KCNMA1: variants seen among roughly 807,000 people sequenced by gnomAD.
KCNMA1 encodes Calcium-activated potassium channel subunit alpha-1.
In KCNMA1, 29 loss-of-function variants were observed where a neutral mutation model predicts 140.0. The observed-to-expected ratio is 0.21, with a 90% confidence interval of 0.15 to 0.28. KCNMA1 has a LOEUF of 0.28. Ranked by LOEUF, KCNMA1 falls within the 10% of genes least tolerant of loss-of-function variation. The pLI is 1.00. For missense variants in KCNMA1, 880 were observed against 1,602.2 expected (o/e 0.55, Z 7.70); for synonymous variants, 612 against 611.9 (o/e 1.00, Z 0.00).
At chr10:76,922,964 T>C (rs544059690) in intron 23 of KCNMA1, among the ~76,000 whole-genome samples, 1 of 152,208 alleles carries the variant, frequency 6.6e-6, no homozygotes, top group South Asian at 2.1e-4. Context: ...GGACAAGACC[T>C]GGCTTAATAC....
chr10:76,892,857 G>T (rs999635088), intron 25 of KCNMA1, among the ~76,000 whole-genome samples: 3 of 152,186 alleles, frequency 2.0e-5, no homozygotes, highest in African/African-American at 7.2e-5. Context: ...GAATTAAGAT[G>T]ATAGTTACTA....
intron 1 of KCNMA1, among the ~76,000 whole-genome samples, chr10:77,473,204 A>G (rs1342328098): frequency 6.6e-6 from 1 of 152,226 alleles, no homozygotes; most frequent in Admixed American, 6.5e-5. Context: ...GCCCTCAACC[A>G]AAGGCCAGTT....
chr10:76,907,074 G>A lies in KCNMA1; in HGVS notation c.3147+2892C>T, dbSNP rs773410158. ...TTCGATAGTGTAGCTAAAGTGCCTC[G>A]CACAGTTCTGGGCCCTTAGTAAATG... On this transcript the variant is annotated intron_variant, in intron 25 of 27. Coordinates refer to ENST00000286628, the MANE Select transcript of KCNMA1 (RefSeq NM_001161352.2). Among the ~76,000 whole-genome samples, 9 of 152,210 alleles carry A rather than the reference G, an allele frequency of 5.9e-5. No homozygotes were observed. In the East Asian group the frequency reaches 7.7e-4, roughly 13 times the overall value.
intron 2 of KCNMA1, among the ~76,000 whole-genome samples, chr10:77,394,865 T>G (rs180714683): frequency 3.4e-4 from 52 of 152,262 alleles, no homozygotes; most frequent in Non-Finnish European, 7.2e-4. Context: ...TATTTTAGGC[T>G]GGTGGGTGTT....
At chr10:77,177,797 G>A (rs1240384693) in intron 5 of KCNMA1, among the ~76,000 whole-genome samples, 2 of 152,130 alleles carry the variant, frequency 1.3e-5, no homozygotes, top group African/African-American at 2.4e-5. Context: ...GGCCTTTACA[G>A]CCTGTACCTT....
chr10:77,457,459 G>A (rs999760679), intron 1 of KCNMA1, among the ~76,000 whole-genome samples: 2 of 152,056 alleles, frequency 1.3e-5, no homozygotes, highest in Non-Finnish European at 2.9e-5. Context: ...AGCCCAGCAG[G>A]CCTTCTGTAG....
At chr10:77,506,840 AGTGT>A (rs67309788) in intron 1 of KCNMA1, among the ~76,000 whole-genome samples, 29,203 of 119,924 alleles carry the variant, frequency 0.24, 3,686 homozygotes, top group East Asian at 0.42. Flanking sequence ...AGAGAGAGAG[AGTGT>A]GTGTGTGTGT....
At chr10:76,888,437 TTAGAG>T (rs1243135017) in intron 27 of KCNMA1, among the ~76,000 whole-genome samples, 3 of 152,156 alleles carry the variant, frequency 2.0e-5, no homozygotes, top group African/African-American at 7.2e-5. Flanking sequence ...ACCAGTTAAG[TTAGAG>T]TAATCAGAAT....
At chr10:76,900,923 G>A (rs1365460552) in intron 25 of KCNMA1, among the ~76,000 whole-genome samples, 1 of 148,318 alleles carries the variant, frequency 6.7e-6, no homozygotes, top group African/African-American at 2.5e-5. Context: ...CAGTACATTT[G>A]CCTCAATATA....
chr10:77,248,238 G>T (rs1279024220), intron 3 of KCNMA1, among the ~76,000 whole-genome samples: 4 of 152,174 alleles, frequency 2.6e-5, no homozygotes, highest in Non-Finnish European at 5.9e-5. Flanking sequence ...AGACATAGCT[G>T]GTCCAGCAGA....
At chr10:77,559,652 A>G (rs1167033837) in intron 1 of KCNMA1, among the ~76,000 whole-genome samples, 2 of 152,192 alleles carry the variant, frequency 1.3e-5, no homozygotes, top group East Asian at 1.9e-4. Flanking sequence ...ATAGCCCTTC[A>G]GGTATTGTAT....
intron 1 of KCNMA1, among the ~76,000 whole-genome samples, chr10:77,447,688 G>A (rs2097554202): frequency 6.6e-6 from 1 of 152,166 alleles, no homozygotes; most frequent in Non-Finnish European, 1.5e-5. Context: ...TCACCTGAGA[G>A]GTTTTGGATC....
intron 1 of KCNMA1, among the ~76,000 whole-genome samples, chr10:77,549,081 A>G (rs529086707): frequency 6.6e-6 from 1 of 152,346 alleles, no homozygotes; most frequent in Admixed American, 6.5e-5. Context: ...CATCACTGAT[A>G]AAAGTCATTC....
At chr10:76,989,397 T>C (rs1180096913) in intron 19 of KCNMA1, among the ~76,000 whole-genome samples, 1 of 152,160 alleles carries the variant, frequency 6.6e-6, no homozygotes, top group Non-Finnish European at 1.5e-5. Flanking sequence ...CGATGTTGGG[T>C]AATAGACATC....
chr10:77,412,597 G>A (rs1471719321), intron 1 of KCNMA1, among the ~76,000 whole-genome samples: 1 of 152,188 alleles, frequency 6.6e-6, no homozygotes, highest in Non-Finnish European at 1.5e-5. Flanking sequence ...GACGAGAGGG[G>A]GTGGTGAGTT....
At chr10:77,168,669 T>TAATAAC (rs2098669944) in intron 5 of KCNMA1, among the ~76,000 whole-genome samples, 1 of 152,140 alleles carries the variant, frequency 6.6e-6, no homozygotes, top group African/African-American at 2.4e-5. Context: ...GCTATAATAA[T>TAATAAC]AATAACAATA....
rs144494317 is a variant in KCNMA1, at chr10:77,415,595, A to T, written c.379-11572T>A. Among the ~76,000 whole-genome samples the T allele has an allele frequency of 2.5e-3, 374 of 152,374 alleles. 2 individuals carry two copies. Among genetic ancestry groups the T allele is most frequent in the African/African-American group, 8.4e-3 (351 of 41,588 alleles). ...ATAACCAAACACACAGGAAATCCCA[A>T]ACCCTCATGTTCATAAAAGAATGCA... is the stretch of plus-strand genomic sequence containing the variant. On this transcript the variant is annotated intron_variant, in intron 1 of 27. Transcript: ENST00000286628.
chr10:76,957,960 T>G (rs2069080619), intron 20 of KCNMA1, among the ~76,000 whole-genome samples: 1 of 152,190 alleles, frequency 6.6e-6, no homozygotes, highest in South Asian at 2.1e-4. Context: ...TTCAAGTGCC[T>G]TAGGCTGGCC....
Position 77,120,346 on chromosome 10 carries a change from T to C in KCNMA1, c.884+627A>G, listed in dbSNP as rs79081271. ...TCCTGGTCCAGTTGTGTTTTCCAGA[T>C]CATAACGCAGTTAACAGAAGTATTC... On this transcript the variant is annotated intron_variant, in intron 6 of 27. Coordinates refer to ENST00000286628, the MANE Select transcript of KCNMA1 (RefSeq NM_001161352.2). Among the ~76,000 whole-genome samples, 1,257 of 152,248 alleles carry C rather than the reference T, an allele frequency of 8.3e-3. 53 individuals carry two copies. The East Asian group carries it at 0.11, about 14-fold the overall frequency.
Sources: allele counts gnomAD v4.1 joint callset (sites outside exome capture counted in the v4.1 genomes callset), GRCh38; gene constraint gnomAD v4.1.1; transcripts MANE v1.5; gene names NCBI Gene and HGNC (gene_info 2026-07-23, HGNC 2026-07-21).